EML6: variants seen among roughly 807,000 people sequenced by gnomAD.
EML6 encodes the protein echinoderm microtubule-associated protein-like 6.
EML6 carries 154 observed loss-of-function variants against 240.1 expected under a neutral mutation model. That is an observed-to-expected ratio of 0.64 (90% CI 0.56 to 0.73). The LOEUF (loss-of-function observed/expected upper bound fraction) is 0.73, where lower values mean the gene tolerates loss of function less well. Ranked by LOEUF, EML6 falls within the 30% of genes least tolerant of loss-of-function variation. EML6 has a pLI of 0.00. For synonymous variants in EML6, 1,148 were observed against 899.0 expected, an observed-to-expected ratio of 1.28 and a Z score of -4.95; for missense variants, 2,964 against 2,474.6, an observed-to-expected ratio of 1.20 and a Z score of -4.20.
At chr2:54,819,288 C>T (rs1171718731) in intron 4 of EML6, among the ~76,000 whole-genome samples, 4 of 152,130 alleles carry the variant, frequency 2.6e-5, no homozygotes, top group Non-Finnish European at 5.9e-5. Flanking sequence ...ATCAGAATCT[C>T]CTGGAGTCTC....
At chr2:54,753,596 G>C (rs1284919089) in intron 2 of EML6, among the ~76,000 whole-genome samples, 3 of 151,720 alleles carry the variant, frequency 2.0e-5, no homozygotes, top group Non-Finnish European at 2.9e-5. Context: ...CCTCTAGAAG[G>C]TAGAAAAAGC....
At chr2:54,911,647 G>C (rs1373706144) in intron 25 of EML6, among the ~76,000 whole-genome samples, 1 of 152,098 alleles carries the variant, frequency 6.6e-6, no homozygotes, top group Non-Finnish European at 1.5e-5. Flanking sequence ...ATGTTGGCCA[G>C]GCTGGTCTCG....
chr2:54,831,313 T>C (rs1444162791), intron 7 of EML6, among the ~76,000 whole-genome samples: 3 of 152,190 alleles, frequency 2.0e-5, no homozygotes, highest in African/African-American at 7.2e-5. Flanking sequence ...GGCATAAATT[T>C]TAAAGCATGG....
intron 2 of EML6, among the ~76,000 whole-genome samples, chr2:54,753,932 C>T (rs1572859024): frequency 6.6e-6 from 1 of 151,750 alleles, no homozygotes; most frequent in Admixed American, 6.6e-5. Flanking sequence ...GTCAGGAGTT[C>T]GAGACCAGCC....
chr2:54,895,209 T>A, intron 20 of EML6, 64 bp from the exon 21 acceptor site: 1 of 1,519,692 alleles, frequency 6.6e-7, no homozygotes, highest in Non-Finnish European at 8.9e-7. Context: ...GCTATAAAAA[T>A]TGAATTTATA....
chr2:54,853,909 A>C (rs749746178), intron 11 of EML6, 54 bp downstream of exon 11: 1 of 1,143,478 alleles, frequency 8.7e-7, no homozygotes, highest in South Asian at 1.5e-5. Context: ...AACTGTATAC[A>C]GTACAATTAA....
At chr2:54,876,348 A>T (rs1200141573) in intron 16 of EML6, among the ~76,000 whole-genome samples, 3 of 152,164 alleles carry the variant, frequency 2.0e-5, no homozygotes, top group Non-Finnish European at 4.4e-5. Flanking sequence ...CCCAAAAAAG[A>T]GGTATGGCTG....
At chr2:54,919,265 A>C in intron 26 of EML6, among the ~76,000 whole-genome samples, 1 of 134,434 alleles carries the variant, frequency 7.4e-6, no homozygotes. Flanking sequence ...AATCCTTTTC[A>C]AAAGTCTTAT....
At chr2:54,743,145 C>T (rs1683729426) in intron 2 of EML6, among the ~76,000 whole-genome samples, 1 of 152,240 alleles carries the variant, frequency 6.6e-6, no homozygotes, top group Admixed American at 6.5e-5. Context: ...TGGAGCCTAT[C>T]CCCGCAGCTC....
chr2:54,827,521 C>T, intron 5 of EML6, 45 bp from the exon 6 acceptor site: 5 of 1,468,158 alleles, frequency 3.4e-6, no homozygotes, highest in Non-Finnish European at 4.7e-6. Context: ...TGCAATACAT[C>T]CGAATACTCT....
At chr2:54,902,135 G>A (rs924758946) in intron 22 of EML6, among the ~76,000 whole-genome samples, 2 of 151,842 alleles carry the variant, frequency 1.3e-5, no homozygotes, top group Non-Finnish European at 2.9e-5. Context: ...GTCCTCTAAA[G>A]CAAGTTGTAT....
chr2:54,792,208 T>C (rs1414915177), intron 2 of EML6, among the ~76,000 whole-genome samples: 1 of 152,240 alleles, frequency 6.6e-6, no homozygotes, highest in Non-Finnish European at 1.5e-5. Context: ...TATTTTCTTA[T>C]TTCTATTGTG....
chr2:54,801,477 A>G (rs1441463540), intron 2 of EML6, among the ~76,000 whole-genome samples: 1 of 152,162 alleles, frequency 6.6e-6, no homozygotes, highest in East Asian at 1.9e-4. Flanking sequence ...TCAAAGTAGG[A>G]GTTTATTCAT....
intron 24 of EML6, among the ~76,000 whole-genome samples, chr2:54,904,242 A>G (rs767349567): frequency 1.3e-5 from 2 of 151,994 alleles, no homozygotes; most frequent in East Asian, 3.9e-4. Context: ...GTGAGCAGGG[A>G]CTCCGAATGG....
intron 8 of EML6, among the ~76,000 whole-genome samples, 172 bp from the exon 9 acceptor site, chr2:54,847,314 A>C (rs1669817336): frequency 1.3e-5 from 2 of 152,160 alleles, no homozygotes. Flanking sequence ...CCAAAGATGC[A>C]CTAAAACACC....
chr2:54,927,430 A>G (rs186935065), intron 26 of EML6, among the ~76,000 whole-genome samples: 37 of 152,330 alleles, frequency 2.4e-4, no homozygotes, highest in Non-Finnish European at 8.8e-5. Flanking sequence ...CTCTGTCACA[A>G]CCTCAGAGAG....
At chr2:54,800,735 C>A (rs1670091137) in intron 2 of EML6, among the ~76,000 whole-genome samples, 1 of 152,020 alleles carries the variant, frequency 6.6e-6, no homozygotes, top group Admixed American at 6.6e-5. Flanking sequence ...TTTCGTGGTT[C>A]CCAAGCAGCT....
intron 2 of EML6, among the ~76,000 whole-genome samples, chr2:54,806,697 G>A (rs1670511333): frequency 6.7e-6 from 1 of 149,158 alleles, no homozygotes; most frequent in African/African-American, 2.5e-5. Context: ...CTATCACATG[G>A]TGGTTAATTA....
intron 22 of EML6, 22 bp from the exon 23 acceptor site, chr2:54,903,022 T>C (rs1486217956): frequency 9.1e-6 from 14 of 1,545,264 alleles, no homozygotes; most frequent in Non-Finnish European, 1.1e-5. Flanking sequence ...ATAATAAGTG[T>C]TTTTTGTGGA....
Sources: allele counts gnomAD v4.1 joint callset (sites outside exome capture counted in the v4.1 genomes callset), GRCh38; gene constraint gnomAD v4.1.1; transcripts MANE v1.5; gene names NCBI Gene and HGNC (gene_info 2026-07-23, HGNC 2026-07-21).